TTC23: variants seen among roughly 807,000 people sequenced by gnomAD.
TTC23 encodes tetratricopeptide repeat domain 23.
Under a neutral mutation model 55.1 loss-of-function variants are expected in TTC23, and 58 were observed. That is an observed-to-expected ratio of 1.05 (90% confidence interval 0.85 to 1.31). The LOEUF (loss-of-function observed/expected upper bound fraction) is 1.31, where lower values mean the gene tolerates loss of function less well. Ranked by LOEUF, TTC23 falls within the 50% of genes most tolerant of loss-of-function variation. The pLI is 0.00. For synonymous variants in TTC23, 203 were observed against 199.9 expected (o/e 1.02, Z -0.13); for missense variants, 516 against 534.4 (o/e 0.97, Z 0.34).
At chr15:99,168,455 G>A (rs2072456463) in intron 10 of TTC23, among the ~76,000 whole-genome samples, 2 of 152,190 alleles carry the variant, frequency 1.3e-5, no homozygotes, top group South Asian at 2.1e-4. Context: ...ACTTGTCTTG[G>A]TGATGTAGAT....
intron 5 of TTC23, among the ~76,000 whole-genome samples, chr15:99,225,534 G>A (rs979400157): frequency 6.6e-6 from 1 of 152,158 alleles, no homozygotes; most frequent in East Asian, 1.9e-4. Flanking sequence ...TGGCAGATAC[G>A]GAACAATCCG....
intron 8 of TTC23, among the ~76,000 whole-genome samples, chr15:99,214,455 C>G (rs551864863): frequency 4.9e-4 from 72 of 145,940 alleles, no homozygotes; most frequent in African/African-American, 1.7e-3. Flanking sequence ...TTGCAGTGAG[C>G]CGAGATCGCG....
intron 13 of TTC23, among the ~76,000 whole-genome samples, chr15:99,138,331 T>C (rs1282899662): frequency 3.3e-5 from 5 of 151,986 alleles, no homozygotes; most frequent in African/African-American, 1.2e-4. Flanking sequence ...TTTTTTTTTT[T>C]CAGACAGAGT....
At chr15:99,148,636 T>C (rs2069291426) in intron 12 of TTC23, 1 of 152,188 alleles carries the variant, frequency 6.6e-6, no homozygotes, top group Non-Finnish European at 1.5e-5. Context: ...TTCAGTGTTC[T>C]TGGGCTCAGT....
chr15:99,248,694 T>C (rs2080471594), intron 1 of TTC23, among the ~76,000 whole-genome samples: 1 of 152,214 alleles, frequency 6.6e-6, no homozygotes, highest in Non-Finnish European at 1.5e-5. Context: ...TCCCTGCTCT[T>C]GAGGGGCTGG....
rs142467925 is a variant in TTC23 at position 99,221,840 on chromosome 15, C to T, written c.205G>A (p.Val69Met). 4 of 1,614,196 alleles carry T rather than the reference C, an allele frequency of 2.5e-6. No individual in the cohort carries two copies. The highest frequency in any genetic ancestry group is 2.5e-6 in the Non-Finnish European group (3 of 1,180,026). Residue 69 changes from valine (V) to methionine (M), a missense_variant, in exon 6 of 14, where the codon GTG (valine) becomes ATG (methionine). Coordinates refer to ENST00000394132, the MANE Select transcript of TTC23 (RefSeq NM_001288615.3). ...HEYKQAVHEL[V>M]RCVALTRICY... is the part of the protein sequence containing the mutation. Reference sequence around the variant, plus strand: ...ATTCTTGTCAGTGCTACGCAACGCACAAGCTCATGGACGGCCTGTTTGTAC... The same window carrying T: ...ATTCTTGTCAGTGCTACGCAACGCATAAGCTCATGGACGGCCTGTTTGTAC...
chr15:99,159,352 C>T (rs1292514333), intron 11 of TTC23: 1 of 152,262 alleles, frequency 6.6e-6, no homozygotes, highest in Non-Finnish European at 1.5e-5. Flanking sequence ...TCTCTGCTTT[C>T]ACAGGTTCGG....
chr15:99,237,246 T>C (rs1444691545), intron 3 of TTC23, among the ~76,000 whole-genome samples: 1 of 152,032 alleles, frequency 6.6e-6, no homozygotes, highest in Non-Finnish European at 1.5e-5. Context: ...CTTCCCAAAG[T>C]TGTGGAACTA....
chr15:99,187,737 G>C (rs2074855608), intron 9 of TTC23, among the ~76,000 whole-genome samples: 1 of 151,978 alleles, frequency 6.6e-6, no homozygotes, highest in Non-Finnish European at 1.5e-5. Flanking sequence ...CCTATGAAAA[G>C]ATGTGCTACA....
chr15:99,146,654 A>T (rs1194559259), intron 12 of TTC23, among the ~76,000 whole-genome samples: 2 of 152,244 alleles, frequency 1.3e-5, no homozygotes, highest in Non-Finnish European at 2.9e-5. Context: ...TCACTAAGCC[A>T]TGGTCAGAGT....
intron 10 of TTC23, among the ~76,000 whole-genome samples, chr15:99,168,241 C>T (rs2072418939): frequency 6.6e-6 from 1 of 152,182 alleles, no homozygotes; most frequent in South Asian, 2.1e-4. Flanking sequence ...GGTGTGCATC[C>T]ATAAAGTGAA....
intron 5 of TTC23, 96 bp from the exon 6 acceptor site, chr15:99,221,960 G>A: frequency 7.1e-7 from 1 of 1,402,146 alleles, no homozygotes; most frequent in Non-Finnish European, 9.7e-7. Context: ...TAAATACTGA[G>A]TGACTACTAT....
chr15:99,216,870 C>T (rs1164016062), intron 8 of TTC23, among the ~76,000 whole-genome samples: 1 of 152,142 alleles, frequency 6.6e-6, no homozygotes, highest in Non-Finnish European at 1.5e-5. Flanking sequence ...AAAGCAATAC[C>T]ACCCTTGGGA....
chr15:99,167,935 C>A (rs1031032976), intron 10 of TTC23, among the ~76,000 whole-genome samples: 2 of 152,224 alleles, frequency 1.3e-5, no homozygotes, highest in Non-Finnish European at 2.9e-5. Flanking sequence ...CTGGCGCTAA[C>A]CTGGAGGAGC....
At chr15:99,197,349 T>G (rs536221419) in intron 9 of TTC23, among the ~76,000 whole-genome samples, 102 of 152,024 alleles carry the variant, frequency 6.7e-4, no homozygotes, top group Non-Finnish European at 1.1e-3. Context: ...TGATCCACCC[T>G]CCTTGGCCTC....
chr15:99,224,975 G>C (rs2078269985), intron 5 of TTC23, among the ~76,000 whole-genome samples: 1 of 152,140 alleles, frequency 6.6e-6, no homozygotes, highest in Non-Finnish European at 1.5e-5. Context: ...GACTACTTTG[G>C]AGAGAGAGAA....
chr15:99,193,685 C>T (rs574491380), intron 9 of TTC23, among the ~76,000 whole-genome samples: 3 of 152,020 alleles, frequency 2.0e-5, no homozygotes, highest in Admixed American at 1.3e-4. Context: ...AAACTGGTAG[C>T]GAGACCTTTT....
chr15:99,223,742 G>A (rs2078144935), intron 5 of TTC23, among the ~76,000 whole-genome samples: 2 of 152,226 alleles, frequency 1.3e-5, no homozygotes, highest in South Asian at 2.1e-4. Flanking sequence ...GACCCTTCAA[G>A]ACCAGCTGAT....
chr15:99,146,883 C>T (rs2068928910), intron 12 of TTC23, among the ~76,000 whole-genome samples: 1 of 152,186 alleles, frequency 6.6e-6, no homozygotes. Flanking sequence ...TTCTTATTAC[C>T]ACACAGCCTA....
Sources: gnomAD v4.1 joint callset for allele counts (sites outside exome capture counted in the v4.1 genomes callset) on GRCh38, gnomAD v4.1.1 for gene constraint, MANE v1.5 for transcripts, NCBI Gene and HGNC (gene_info 2026-07-23, HGNC 2026-07-21) for gene names.